COL11A1: variants seen among roughly 807,000 people sequenced by gnomAD.
COL11A1 encodes the protein collagen type XI alpha 1 chain.
Under a neutral mutation model 265.2 loss-of-function variants are expected in COL11A1, and 74 were observed. The ratio of observed to expected loss-of-function variants is 0.28; its 90% CI spans 0.23 to 0.34. COL11A1 has a LOEUF of 0.34. Ranked by LOEUF, COL11A1 falls within the 10% of genes least tolerant of loss-of-function variation. The probability of loss-of-function intolerance (pLI) is 1.00; values close to 1 mark genes in which losing one functional copy is unlikely to be tolerated. For missense variants in COL11A1, 2,165 were observed against 2,263.6 expected, an observed-to-expected ratio of 0.96 and a Z score of 0.88; for synonymous variants, 816 against 727.6, an observed-to-expected ratio of 1.12 and a Z score of -1.96.
intron 4 of COL11A1, among the ~76,000 whole-genome samples, chr1:103,041,494 A>G (rs1461909392): frequency 6.6e-6 from 1 of 151,762 alleles, no homozygotes; most frequent in Non-Finnish European, 1.5e-5. Flanking sequence ...ATAAAGTGGT[A>G]CTATCCCAGA....
chr1:102,890,549 G>A (rs1359471571), intron 57 of COL11A1, 45 bp from the exon 58 acceptor site: 3 of 1,522,560 alleles, frequency 2.0e-6, no homozygotes, highest in Non-Finnish European at 2.7e-6. Context: ...AACAGAGTAG[G>A]TATGAATTAG....
At chr1:103,100,169 AAAAAAG>A in intron 1 of COL11A1, 1 of 151,908 alleles carries the variant, frequency 6.6e-6, no homozygotes, top group African/African-American at 2.4e-5. Flanking sequence ...ATTACACTCC[AAAAAAG>A]CTTTTGGATA....
At chr1:102,974,013 C>T (rs370877379) in intron 36 of COL11A1, among the ~76,000 whole-genome samples, 2 of 152,254 alleles carry the variant, frequency 1.3e-5, no homozygotes, top group East Asian at 3.9e-4. Context: ...AAAATATAGA[C>T]TTGGCCCCTG....
chr1:103,093,709 A>G (rs1238821630), intron 1 of COL11A1, among the ~76,000 whole-genome samples: 1 of 152,140 alleles, frequency 6.6e-6, no homozygotes, highest in Non-Finnish European at 1.5e-5. Flanking sequence ...GTTGGAAAAT[A>G]CATTGCCAGT....
In COL11A1 at chr1:102,989,464, A is replaced by AAT. The variant is rs60319369; in HGVS notation, c.2394+52_2394+53dup. The AAT allele has an allele frequency of 9.5e-4, 1,019 of 1,071,916 alleles. 3 individuals carry two copies. The highest frequency in any genetic ancestry group is 8.0e-3 in the African/African-American group (489 of 61,244). 66.4% of individuals were successfully genotyped at this position (1,071,916 alleles called of 1,614,324 possible). A position where few individuals can be genotyped will look rare whatever the true frequency, so the allele number is the denominator to read the frequency against. On this transcript the variant is annotated intron_variant, in intron 29 of 66. Transcript: ENST00000370096. Reference sequence around the variant, plus strand: ...ATATTTAAAGATAAGCAAAGGAAAAAATATATATATATATTAAATTTTGTG... The same window carrying AAT: ...ATATTTAAAGATAAGCAAAGGAAAAAATATATATATATATATTAAATTTTGTG...
rs556203437 is a variant in COL11A1 at position 102,934,616 on chromosome 1, T to C, written c.3493-60A>G. On this transcript the variant is annotated intron_variant, in intron 45 of 66. Coordinates refer to ENST00000370096, the MANE Select transcript of COL11A1 (RefSeq NM_001854.4). Reference sequence around the variant, plus strand: ...AAAAAATCATTACGATATGAGTCATTAAAAAATGTGGCCATTTCTAATTTA... The same window carrying C: ...AAAAAATCATTACGATATGAGTCATCAAAAAATGTGGCCATTTCTAATTTA... The C allele has an allele frequency of 1.4e-5, 19 of 1,331,120 alleles. No individual in the cohort carries two copies. In the African/African-American group the frequency reaches 1.9e-4, roughly 13 times the overall value. The allele number at this position is 1,331,120 out of a possible 1,614,324, so 82.5% of individuals were successfully genotyped here. A position where few individuals can be genotyped will look rare whatever the true frequency, so the allele number is the denominator to read the frequency against.
intron 24 of COL11A1, 38 bp downstream of exon 24, chr1:103,001,885 CAT>C (rs776982119): frequency 1.3e-6 from 2 of 1,596,796 alleles, no homozygotes; most frequent in African/African-American, 2.7e-5. Context: ...CTAAAACAAA[CAT>C]GTTCACCAGG....
chr1:102,944,857 C>A (rs1220692322), intron 42 of COL11A1, among the ~76,000 whole-genome samples: 1 of 151,894 alleles, frequency 6.6e-6, no homozygotes. Flanking sequence ...AATATGTGTT[C>A]CCTATATTTT....
intron 24 of COL11A1, 22 bp downstream of exon 24, chr1:103,001,903 C>G: frequency 6.2e-7 from 1 of 1,610,632 alleles, no homozygotes; most frequent in Non-Finnish European, 8.5e-7. Context: ...CCAGGCTTTA[C>G]GAGAACAACA....
At chr1:102,889,346 G>A (rs1410347829) in intron 59 of COL11A1, 109 bp downstream of exon 59, 4 of 823,450 alleles carry the variant, frequency 4.9e-6, no homozygotes, top group Non-Finnish European at 8.5e-6. Context: ...TTAGAATTAA[G>A]ACACTCTAAA....
intron 42 of COL11A1, among the ~76,000 whole-genome samples, chr1:102,946,078 C>T (rs974529338): frequency 7.5e-6 from 1 of 133,906 alleles, no homozygotes; most frequent in African/African-American, 2.7e-5. Context: ...ATCGCAAGGA[C>T]AAAAAACCAA....
intron 40 of COL11A1, 115 bp downstream of exon 40, chr1:102,962,061 C>G (rs2101571190): frequency 9.6e-7 from 1 of 1,046,670 alleles, no homozygotes; most frequent in Admixed American, 2.0e-5. Context: ...TAATGATAAT[C>G]AAATATATAT....
intron 31 of COL11A1, among the ~76,000 whole-genome samples, chr1:102,983,322 C>G (rs1663220104): frequency 6.6e-6 from 1 of 151,816 alleles, no homozygotes; most frequent in South Asian, 2.1e-4. Context: ...TATCCATATA[C>G]AAATCTATGG....
Position 102,989,533 on chromosome 1 carries a change from A to G in COL11A1, c.2379T>C (p.Gly793=), listed in dbSNP as rs1663916257. ...CTATACTTACTCTGTCACCTTTTAG[A>G]CCCATGTCACCTTTGAATCCTGGAA... is the stretch of plus-strand genomic sequence containing the variant. The part of the protein sequence containing the change: ...DGFPGFKGDM[G]LKGDRGEVGQ... Residue 793 remains glycine, a synonymous_variant, in exon 29 of 67, where the codon GGT becomes GGC. Transcript: ENST00000370096. 6.2e-7 allele frequency: 1 copy of G among 1,610,672 alleles called. No individual in the cohort carries two copies. The highest frequency in any genetic ancestry group is 8.5e-7 in the Non-Finnish European group (1 of 1,177,474).
intron 14 of COL11A1, among the ~76,000 whole-genome samples, chr1:103,010,063 G>A (rs535896433): frequency 1.3e-5 from 2 of 152,164 alleles, no homozygotes; most frequent in Non-Finnish European, 2.9e-5. Context: ...TCTAAAAAAT[G>A]TCACACAGTC....
intron 29 of COL11A1, among the ~76,000 whole-genome samples, 153 bp from the exon 30 acceptor site, chr1:102,987,893 G>A (rs537757885): frequency 6.6e-6 from 1 of 152,186 alleles, no homozygotes; most frequent in Admixed American, 6.5e-5. Flanking sequence ...TGGGCATGGA[G>A]CAAGCTAACA....
rs780309571 is a variant in COL11A1, at chr1:103,015,756, T to C, written c.1414-14A>G. On this transcript the variant is annotated splice_polypyrimidine_tract_variant and intron_variant, in intron 11 of 66. Coordinates refer to ENST00000370096, the MANE Select transcript of COL11A1 (RefSeq NM_001854.4). ...TCCTGGGGGGCCCTAGAAAAATAAA[T>C]GAAATAACCAAAATAAATAAATATC... is the stretch of plus-strand genomic sequence containing the variant. 1.3e-6 allele frequency: 2 copies of C among 1,532,166 alleles called. No homozygotes were observed. The highest frequency in any genetic ancestry group is 2.3e-5 in the East Asian group (1 of 43,004). The allele number at this position is 1,532,166 out of a possible 1,614,324, so 94.9% of individuals were successfully genotyped here. A position where few individuals can be genotyped will look rare whatever the true frequency, so the allele number is the denominator to read the frequency against.
At chr1:103,082,743 T>G in intron 2 of COL11A1, 62 bp downstream of exon 2, 1 of 1,382,738 alleles carries the variant, frequency 7.2e-7, no homozygotes, top group Non-Finnish European at 1.0e-6. Flanking sequence ...GTAGTTTTAG[T>G]AGTAACAAAA....
At chr1:103,043,715 T>A (rs546443606) in intron 4 of COL11A1, among the ~76,000 whole-genome samples, 17 of 152,086 alleles carry the variant, frequency 1.1e-4, no homozygotes, top group Non-Finnish European at 2.5e-4. Flanking sequence ...ATTCCAGTGT[T>A]TGGAGTCAAT....
Sources: gnomAD v4.1 joint callset for allele counts (sites outside exome capture counted in the v4.1 genomes callset) on GRCh38, gnomAD v4.1.1 for gene constraint, MANE v1.5 for transcripts, NCBI Gene and HGNC (gene_info 2026-07-23, HGNC 2026-07-21) for gene names.